Variants in TNFRSF11A observed in about 807,000 individuals in gnomAD.
TNFRSF11A encodes the protein TNF receptor superfamily member 11a.
In TNFRSF11A, 32 loss-of-function variants were observed where a neutral mutation model predicts 55.7. That is an observed-to-expected ratio of 0.57 (90% CI 0.43 to 0.77). TNFRSF11A has a LOEUF of 0.77. Ranked by LOEUF, TNFRSF11A falls within the 30% of genes least tolerant of loss-of-function variation. TNFRSF11A has a pLI of 0.00. For missense variants in TNFRSF11A, 753 were observed against 809.8 expected (o/e 0.93, Z 0.85); for synonymous variants, 311 against 331.0 (o/e 0.94, Z 0.65).
At chr18:62,368,645 C>T (rs2145354509) in intron 8 of TNFRSF11A, 56 bp from the exon 9 acceptor site, 3 of 1,581,172 alleles carry the variant, frequency 1.9e-6, no homozygotes, top group Non-Finnish European at 2.6e-6. Context: ...TTTAGCTAAA[C>T]TTGTCCTAAT....
chr18:62,346,398 C>T (rs897632202), intron 1 of TNFRSF11A, among the ~76,000 whole-genome samples: 1 of 152,182 alleles, frequency 6.6e-6, no homozygotes, highest in African/African-American at 2.4e-5. Flanking sequence ...GCATCTAAAA[C>T]AGAGAAAAGC....
chr18:62,335,977 G>C (rs1219212430), intron 1 of TNFRSF11A, among the ~76,000 whole-genome samples: 1 of 152,210 alleles, frequency 6.6e-6, no homozygotes, highest in Non-Finnish European at 1.5e-5. Context: ...GGAGGATGCA[G>C]GAAGGGAAGG....
intron 9 of TNFRSF11A, among the ~76,000 whole-genome samples, chr18:62,382,467 A>G (rs1911362390): frequency 6.6e-6 from 1 of 152,136 alleles, no homozygotes; most frequent in South Asian, 2.1e-4. Flanking sequence ...CGATTTCTTC[A>G]ATGTGAAATG....
At chr18:62,371,011 G>A (rs1910513039) in intron 9 of TNFRSF11A, among the ~76,000 whole-genome samples, 1 of 152,058 alleles carries the variant, frequency 6.6e-6, no homozygotes, top group African/African-American at 2.4e-5. Flanking sequence ...TGTATTTTCA[G>A]TAAAGATGGG....
chr18:62,389,032 G>A lies in TNFRSF11A; in HGVS notation c.*3998G>A, dbSNP rs1911893629. 1 of 152,362 alleles carries A rather than the reference G, an allele frequency of 6.6e-6. No homozygotes were observed. Among genetic ancestry groups the A allele is most frequent in the Admixed American group, 6.5e-5 (1 of 15,282 alleles). The allele number at this position is 152,362 out of a possible 1,614,324, so 9.4% of individuals were successfully genotyped here. On this transcript the variant is annotated 3_prime_UTR_variant, in exon 10 of 10. Transcript: ENST00000586569. ...TGAGTCTGGTGCATTGCTGTGGGCT[G>A]CGCTGGGCACAAGTTGCATAACCCG...
At chr18:62,341,204 C>G (rs926398001) in intron 1 of TNFRSF11A, among the ~76,000 whole-genome samples, 2 of 152,192 alleles carry the variant, frequency 1.3e-5, no homozygotes, top group Admixed American at 6.5e-5. Flanking sequence ...TGACTGAACC[C>G]CCAGACAGAA....
At chr18:62,366,841 C>CG in intron 8 of TNFRSF11A, 81 bp downstream of exon 8, 1 of 1,300,034 alleles carries the variant, frequency 7.7e-7, no homozygotes. Context: ...ACATATTGAG[C>CG]ACCCCCCCCC....
intron 1 of TNFRSF11A, among the ~76,000 whole-genome samples, chr18:62,326,330 G>C (rs2046075312): frequency 6.6e-6 from 1 of 152,208 alleles, no homozygotes; most frequent in Non-Finnish European, 1.5e-5. Flanking sequence ...ATCGTGTTTG[G>C]GTGAGAAGAG....
chr18:62,370,052 G>T (rs1462389884), intron 9 of TNFRSF11A, among the ~76,000 whole-genome samples: 1 of 152,064 alleles, frequency 6.6e-6, no homozygotes, highest in Non-Finnish European at 1.5e-5. Context: ...CATGAGAAAG[G>T]CCCCTTTTAT....
chr18:62,380,805 CT>C (rs34045772), intron 9 of TNFRSF11A, among the ~76,000 whole-genome samples: 3,288 of 83,434 alleles, frequency 0.039, 51 homozygotes, highest in East Asian at 0.11. Flanking sequence ...AAATAATATT[CT>C]TTTTTTTTTT....
At chr18:62,346,297 GA>G (rs2046382919) in intron 1 of TNFRSF11A, among the ~76,000 whole-genome samples, 2 of 152,148 alleles carry the variant, frequency 1.3e-5, no homozygotes, top group Non-Finnish European at 2.9e-5. Context: ...CCAGCTTTTT[GA>G]CCCAGTTTGC....
chr18:62,369,559 C>A, intron 9 of TNFRSF11A, 75 bp downstream of exon 9: 3 of 1,565,358 alleles, frequency 1.9e-6, no homozygotes, highest in Non-Finnish European at 2.6e-6. Context: ...GCAGGTATTA[C>A]CATTTAGGAA....
rs2046056660 is a variant in TNFRSF11A, at chr18:62,325,400, G to T, written c.48G>T (p.Leu16=). ...RRRRPLFALL[L]LCALLARLQV... ...GCCGCCCGCTGTTCGCGCTGCTGCTGCTCTGCGCGCTGCTCGCCCGGCTGC... is the reference window on the plus strand; with the variant it reads ...GCCGCCCGCTGTTCGCGCTGCTGCTTCTCTGCGCGCTGCTCGCCCGGCTGC... Residue 16 remains leucine (L), a synonymous_variant, in exon 1 of 10, where the codon CTG becomes CTT. Transcript: ENST00000586569. The surrounding 1 kb of genome is among the most constrained non-coding windows in gnomAD (Gnocchi z 4.7). 2.4e-6 allele frequency: 3 copies of T among 1,227,254 alleles called. No homozygotes were observed. The highest frequency in any genetic ancestry group is 3.3e-4 in the Middle Eastern group (1 of 2,992). 76.0% of individuals were successfully genotyped at this position (1,227,254 alleles called of 1,614,324 possible).
intron 1 of TNFRSF11A, among the ~76,000 whole-genome samples, chr18:62,340,937 A>T (rs1254122731): frequency 6.6e-6 from 1 of 152,246 alleles, no homozygotes; most frequent in African/African-American, 2.4e-5. Context: ...GTAGGCGCCT[A>T]TGCGATGTTG....
chr18:62,331,435 C>G (rs1248871327), intron 1 of TNFRSF11A, among the ~76,000 whole-genome samples: 1 of 151,888 alleles, frequency 6.6e-6, no homozygotes, highest in African/African-American at 2.4e-5. Flanking sequence ...TTTGGGTTCT[C>G]TTATTGGGAG....
At chr18:62,363,042 C>A (rs1289997792) in intron 7 of TNFRSF11A, among the ~76,000 whole-genome samples, 1 of 151,954 alleles carries the variant, frequency 6.6e-6, no homozygotes, top group Admixed American at 6.6e-5. Flanking sequence ...TGGGGTTTGA[C>A]CATGTTGGCC....
rs11289576 is a variant in TNFRSF11A at position 62,335,129 on chromosome 18, A to ATTTTTTTTTT, written c.75+9709_75+9718dup. On this transcript the variant is annotated intron_variant, in intron 1 of 9. Coordinates refer to ENST00000586569, the MANE Select transcript of TNFRSF11A (RefSeq NM_003839.4). Reference sequence around the variant, plus strand: ...CTGTGACCAAGCCACTGGGGTCGGAATTTTTTTTTTTTTTTTGTTACCCAG... The same window carrying ATTTTTTTTTT: ...CTGTGACCAAGCCACTGGGGTCGGAATTTTTTTTTTTTTTTTTTTTTTTTTTGTTACCCAG... 5.4e-4 allele frequency among the ~76,000 whole-genome samples: 76 copies of ATTTTTTTTTT among 140,768 alleles called. 1 individual carries two copies. The highest frequency in any genetic ancestry group is 7.9e-3 in the Middle Eastern group (2 of 254). The allele number at this position is 140,768 out of a possible 152,430, so 92.3% of individuals were successfully genotyped here. A position where few individuals can be genotyped will look rare whatever the true frequency, so the allele number is the denominator to read the frequency against.
chr18:62,367,735 T>G (rs1048565371), intron 8 of TNFRSF11A, among the ~76,000 whole-genome samples: 2 of 151,856 alleles, frequency 1.3e-5, no homozygotes, highest in African/African-American at 4.8e-5. Context: ...ATATTAAATT[T>G]TCATTAATTA....
In TNFRSF11A at chr18:62,386,752, T is replaced by C. The variant is rs1054632813; in HGVS notation, c.*1718T>C. 9.2e-5 allele frequency: 14 copies of C among 152,334 alleles called. No individual in the cohort carries two copies. Among genetic ancestry groups the C allele is most frequent in the Admixed American group, 3.3e-4 (5 of 15,300 alleles). The allele number at this position is 152,334 out of a possible 1,614,324, so 9.4% of individuals were successfully genotyped here. ...AAATGCTGGGGTGGTAGCGGTCGATTAGGATTTTCAGTGGAGAAGCACAGG... is the reference window on the plus strand; with the variant it reads ...AAATGCTGGGGTGGTAGCGGTCGATCAGGATTTTCAGTGGAGAAGCACAGG... On this transcript the variant is annotated 3_prime_UTR_variant, in exon 10 of 10. Transcript: ENST00000586569.
Sources: gnomAD v4.1 joint callset for allele counts (sites outside exome capture counted in the v4.1 genomes callset) on GRCh38, gnomAD v4.1.1 for gene constraint, Gnocchi (gnomAD v3.1) non-coding constraint, MANE v1.5 for transcripts, NCBI Gene and HGNC (gene_info 2026-07-23, HGNC 2026-07-21) for gene names.